The following NELFA variants were observed in gnomAD, a reference collection of about 807,000 sequenced individuals.
NELFA encodes negative elongation factor complex member A.
In NELFA, 35 loss-of-function variants were observed where a neutral mutation model predicts 51.8. That is an observed-to-expected ratio of 0.68 (90% CI 0.52 to 0.90). The LOEUF (loss-of-function observed/expected upper bound fraction) is 0.90, where lower values mean the gene tolerates loss of function less well. Among genes scored for constraint, NELFA ranks in the 40% least tolerant of loss-of-function variants. The probability of loss-of-function intolerance (pLI) is 0.00; values close to 1 mark genes in which losing one functional copy is unlikely to be tolerated. For synonymous variants in NELFA, 417 were observed against 338.4 expected, an observed-to-expected ratio of 1.23 and a Z score of -2.55; for missense variants, 658 against 746.4, an observed-to-expected ratio of 0.88 and a Z score of 1.38.
At chr4:1,997,172 C>CA (rs1200186348) in intron 1 of NELFA, among the ~76,000 whole-genome samples, 1 of 152,170 alleles carries the variant, frequency 6.6e-6, no homozygotes, top group Non-Finnish European at 1.5e-5. Context: ...AATCCTCCCA[C>CA]AAAGTAAATT....
At chr4:1,988,168 G>C (rs1044424340) in intron 3 of NELFA, among the ~76,000 whole-genome samples, 161 bp from the exon 4 acceptor site, 1 of 152,244 alleles carries the variant, frequency 6.6e-6, no homozygotes, top group Admixed American at 6.5e-5. Context: ...ACACCAGCTC[G>C]CACTTTACAA....
At chr4:2,005,023 T>C (rs1728673345) in intron 1 of NELFA, among the ~76,000 whole-genome samples, 1 of 149,888 alleles carries the variant, frequency 6.7e-6, no homozygotes, top group African/African-American at 2.5e-5. Flanking sequence ...TTAGCCAGGA[T>C]GGTCTCGATC....
intron 8 of NELFA, 140 bp downstream of exon 8, chr4:1,984,667 GC>G: frequency 1.6e-6 from 1 of 636,272 alleles, no homozygotes. Context: ...CGGGGCATCT[GC>G]CCCCAGCAGA....
intron 1 of NELFA, among the ~76,000 whole-genome samples, chr4:2,006,691 C>T (rs370290524): frequency 1.3e-5 from 2 of 150,058 alleles, no homozygotes; most frequent in East Asian, 3.9e-4. Flanking sequence ...ACTGCTTAAG[C>T]CCAGGAGTTC....
At chr4:1,998,361 A>C (rs1420546502) in intron 1 of NELFA, among the ~76,000 whole-genome samples, 2 of 152,150 alleles carry the variant, frequency 1.3e-5, no homozygotes, top group African/African-American at 4.8e-5. Flanking sequence ...GATGAACTAA[A>C]GGAGCATGTT....
chr4:1,989,661 A>C lies in NELFA; in HGVS notation c.544+47T>G. The C allele has an allele frequency of 6.3e-7, 1 of 1,581,468 alleles. No homozygotes were observed. Among genetic ancestry groups the C allele is most frequent in the Non-Finnish European group, 8.6e-7 (1 of 1,164,118 alleles). On this transcript the variant is annotated intron_variant, in intron 3 of 10. Coordinates refer to ENST00000382882, the MANE Select transcript of NELFA (RefSeq NM_005663.5). The surrounding 1 kb of genome is among the most constrained non-coding windows in gnomAD (Gnocchi z 4.8). ...TACCTTAGAACCTAAGAAACCTATG[A>C]CTGGAAACTACAAAGACAATGCCCG...
At chr4:1,986,492 T>C (rs1003315850) in intron 4 of NELFA, 90 bp from the exon 5 acceptor site, 3 of 1,584,784 alleles carry the variant, frequency 1.9e-6, no homozygotes, top group Non-Finnish European at 2.6e-6. Context: ...TCTTCTAGGC[T>C]AGCGCCGCAG....
At chr4:1,988,127 C>A (rs1577615689) in intron 3 of NELFA, 120 bp from the exon 4 acceptor site, 5 of 792,728 alleles carry the variant, frequency 6.3e-6, no homozygotes, top group Non-Finnish European at 9.9e-6. Flanking sequence ...TGCATTCTCT[C>A]TAAATGAGCA....
chr4:1,985,719 G>C (rs1015760740), intron 7 of NELFA, 57 bp downstream of exon 7: 3 of 1,417,564 alleles, frequency 2.1e-6, no homozygotes, highest in Non-Finnish European at 3.0e-6. Flanking sequence ...GGCCACAATC[G>C]GAACAAAAGG....
At position 1,983,986 on chromosome 4, in the gene NELFA, A is replaced by C. The variant is rs1448565073; in HGVS notation, c.1164T>G (p.Pro388=). ...NSGLSPATPT[P]AAPTSPLTPT... is the part of the protein sequence containing the mutation. ...GTGTCAGAGGCGAGGTGGGCGCCGC[A>C]GGCGTGGGTGTGGCAGGGCTCAGGC... The change falls in exon 9 of 11, where the codon CCT becomes CCG. Residue 388 remains proline (P), a synonymous_variant. Transcript: ENST00000382882. The C allele has an allele frequency of 1.2e-6, 2 of 1,609,292 alleles. No homozygotes were observed. The highest frequency in any genetic ancestry group is 2.2e-5 in the South Asian group (2 of 90,974).
At chr4:2,001,152 TAA>T (rs1004282245) in intron 1 of NELFA, among the ~76,000 whole-genome samples, 5 of 152,192 alleles carry the variant, frequency 3.3e-5, no homozygotes, top group Non-Finnish European at 4.4e-5. Flanking sequence ...CTCAAAATAT[TAA>T]GAGTTATTTA....
chr4:1,996,900 C>T (rs555937052), intron 1 of NELFA, among the ~76,000 whole-genome samples: 1 of 152,214 alleles, frequency 6.6e-6, no homozygotes, highest in African/African-American at 2.4e-5. Flanking sequence ...CCATTGCACT[C>T]CAGCCTCGAT....
intron 3 of NELFA, among the ~76,000 whole-genome samples, chr4:1,988,409 T>G (rs1728176299): frequency 6.6e-6 from 1 of 152,264 alleles, no homozygotes; most frequent in African/African-American, 2.4e-5. Context: ...CGAAGAGATA[T>G]TCCTGACTTG....
rs1203173919 is a variant in NELFA at position 1,983,954 on chromosome 4, G to C, written c.1196C>G (p.Thr399Arg). 1 of 1,611,578 alleles carries C rather than the reference G, an allele frequency of 6.2e-7. No homozygotes were observed. The highest frequency in any genetic ancestry group is 1.3e-5 in the African/African-American group (1 of 74,908). The change falls in exon 9 of 11, where the codon ACA becomes AGA. Residue 399 changes from threonine (T) to arginine (R), a missense_variant. Thr to Arg is a moderately conservative substitution (Grantham distance 71, BLOSUM62 -1). Around this residue, in one of 3 missense-constraint regions of NELFA, gnomAD observed 200 missense variants for 167.9 expected, o/e 1.19. Transcript: ENST00000382882. Reference protein sequence around the residue: ...AAPTSPLTPTTPPAVAPTTQT... With the variant: ...AAPTSPLTPTRPPAVAPTTQT... The stretch of plus-strand genomic sequence containing the variant: ...AGTGGTAGGGGCGACAGCCGGAGGT[G>C]TGGTGGGTGTCAGAGGCGAGGTGGG...
chr4:1,990,178 A>G (rs1465572561), intron 2 of NELFA: 1 of 436,022 alleles, frequency 2.3e-6, no homozygotes, highest in Non-Finnish European at 4.3e-6. Context: ...GGCTCCAGAC[A>G]CTTGTAGAAC....
At position 2,001,418 on chromosome 4, in the gene NELFA, CTTG is replaced by C. The variant is rs532169011; in HGVS notation, c.210+7329_210+7331del. On this transcript the variant is annotated intron_variant, in intron 1 of 10. Transcript: ENST00000382882. The stretch of plus-strand genomic sequence containing the variant: ...AAACCCCATCAACTCAGCCCAAAAA[CTTG>C]TTGAACTGATAAGCAACTTCAGCAA... Among the ~76,000 whole-genome samples, 354 of 152,286 alleles carry C rather than the reference CTTG, an allele frequency of 2.3e-3. 1 individual carries two copies. Among genetic ancestry groups the C allele is most frequent in the African/African-American group, 7.7e-3 (320 of 41,556 alleles).
intron 1 of NELFA, among the ~76,000 whole-genome samples, chr4:2,005,845 C>G (rs1343335158): frequency 1.3e-5 from 2 of 152,128 alleles, no homozygotes; most frequent in African/African-American, 4.8e-5. Context: ...AAGACCCCTA[C>G]AGAGATCACA....
chr4:1,992,683 C>T, intron 1 of NELFA: 1 of 195,562 alleles, frequency 5.1e-6, no homozygotes, highest in Non-Finnish European at 1.1e-5. Context: ...GCGGCCATCA[C>T]GTCCCCGCGA....
In NELFA at chr4:2,008,943, T is replaced by C. The variant is rs1163303544; in HGVS notation, c.17A>G (p.Glu6Gly). Residue 6 changes from glutamate (E) to glycine (G), a missense_variant, in exon 1 of 11, where the codon GAG becomes GGG. Physicochemically the swap from Glu to Gly is moderately conservative, Grantham distance 98. Coordinates refer to ENST00000382882, the MANE Select transcript of NELFA (RefSeq NM_005663.5). ...GTGCAGCCACAGGCCCGTGTCGCTC[T>C]CCCGCATGGACGCCATCTTGGGGGA... MASMR[E>G]SDTGLWLHNK... 6.4e-7 allele frequency: 1 copy of C among 1,563,084 alleles called. No individual in the cohort carries two copies. The highest frequency in any genetic ancestry group is 8.7e-7 in the Non-Finnish European group (1 of 1,153,738).
Sources: allele counts gnomAD v4.1 joint callset (sites outside exome capture counted in the v4.1 genomes callset), GRCh38; gene constraint gnomAD v4.1.1; regional missense constraint gnomAD v4.1.1; non-coding constraint Gnocchi (gnomAD v3.1); transcripts MANE v1.5; gene names NCBI Gene and HGNC (gene_info 2026-07-23, HGNC 2026-07-21).